Variants in LRRFIP1 observed in about 807,000 individuals in gnomAD.
LRRFIP1 encodes leucine-rich repeat flightless-interacting protein 1.
A neutral mutation model predicts 104.4 loss-of-function variants in LRRFIP1; 62 were observed. That is an observed-to-expected ratio of 0.59 (90% CI 0.48 to 0.73). LRRFIP1 has a LOEUF of 0.73. LRRFIP1 is among the 30% of genes least tolerant of loss of function. LRRFIP1 has a pLI of 0.00. For missense variants in LRRFIP1, 796 were observed against 824.5 expected (o/e 0.97, Z 0.42); for synonymous variants, 300 against 299.0 (o/e 1.00, Z -0.03).
intron 20 of LRRFIP1, among the ~76,000 whole-genome samples, chr2:237,771,302 C>CAA (rs61685773): frequency 1.3e-4 from 14 of 109,788 alleles, no homozygotes; most frequent in Non-Finnish European, 2.3e-4. Context: ...TGAAATATTC[C>CAA]AAAAAAAAAA....
chr2:237,650,044 C>G (rs888768882), intron 1 of LRRFIP1, among the ~76,000 whole-genome samples: 1 of 152,044 alleles, frequency 6.6e-6, no homozygotes, highest in African/African-American at 2.4e-5. Flanking sequence ...TCCCCACGCT[C>G]TGTGACCCTG....
At chr2:237,728,810 A>C (rs566596627) in intron 8 of LRRFIP1, among the ~76,000 whole-genome samples, 17 of 152,298 alleles carry the variant, frequency 1.1e-4, no homozygotes, top group Admixed American at 2.0e-4. Context: ...GAGTGACCCC[A>C]CCCAGACCTT....
At chr2:237,757,298 G>GA (rs1278261074) in intron 16 of LRRFIP1, among the ~76,000 whole-genome samples, 158 bp from the exon 17 acceptor site, 9 of 152,138 alleles carry the variant, frequency 5.9e-5, no homozygotes, top group Non-Finnish European at 2.9e-5. Context: ...GTAGGACAAG[G>GA]AAAAAAATCC....
intron 1 of LRRFIP1, among the ~76,000 whole-genome samples, chr2:237,645,459 C>A (rs2084737922): frequency 6.6e-6 from 1 of 152,146 alleles, no homozygotes; most frequent in Non-Finnish European, 1.5e-5. Flanking sequence ...CCTTCCTACC[C>A]CTCACCGTTC....
Position 237,720,799 on chromosome 2 carries a change from G to T in LRRFIP1, c.322G>T (p.Val108Leu). Residue 108 changes from valine to leucine, a missense_variant, in exon 6 of 24, where the codon GTG (valine) becomes TTG (leucine). By Grantham distance (32) the Val-to-Leu change is conservative (BLOSUM62 1). Coordinates refer to ENST00000308482, the MANE Select transcript of LRRFIP1 (RefSeq NM_001137550.2). Reference protein sequence around the residue: ...SASDEDERMSVGSRGSLRSQP... With the variant: ...SASDEDERMSLGSRGSLRSQP... Reference sequence around the variant, plus strand: ...TTCTGATGAAGACGAGCGCATGTCAGTGGGTAGTCGTGGAAGCCTGAGGGT... The same window carrying T: ...TTCTGATGAAGACGAGCGCATGTCATTGGGTAGTCGTGGAAGCCTGAGGGT... The T allele has an allele frequency of 6.2e-7, 1 of 1,614,158 alleles. No individual in the cohort carries two copies. The highest frequency in any genetic ancestry group is 8.5e-7 in the Non-Finnish European group (1 of 1,179,980).
Position 237,733,893 on chromosome 2 carries a change from C to G in LRRFIP1, c.489+75C>G, listed in dbSNP as rs1472416206. The G allele has an allele frequency of 6.6e-6, 10 of 1,507,668 alleles. No homozygotes were observed. The African/African-American group carries it at 1.4e-4, about 21-fold the overall frequency. The allele number at this position is 1,507,668 out of a possible 1,614,324, so 93.4% of individuals were successfully genotyped here. A position where few individuals can be genotyped will look rare whatever the true frequency, so the allele number is the denominator to read the frequency against. ...GCACCGCCCCCACCAAGCCCAGAGC[C>G]GGGGATGTGCCTGTTCCCAGCCCCC... On this transcript the variant is annotated intron_variant, in intron 9 of 23. Transcript: ENST00000308482.
In LRRFIP1 at chr2:237,749,414, T is replaced by C. The variant is rs148685354; in HGVS notation, c.795+90T>C. ...AAAAAAAAAAAGTTAATTCATAAAG[T>C]TCTGGATCTTTCTTCTTGGTCCTCT... On this transcript the variant is annotated intron_variant, in intron 13 of 23. Transcript: ENST00000308482. 151 of 1,443,280 alleles carry C rather than the reference T, an allele frequency of 1.0e-4. 2 individuals carry two copies. In the African/African-American group the frequency reaches 1.6e-3, roughly 16 times the overall value. 89.4% of individuals were successfully genotyped at this position (1,443,280 alleles called of 1,614,324 possible). A position where few individuals can be genotyped will look rare whatever the true frequency, so the allele number is the denominator to read the frequency against.
chr2:237,627,890 G>A (rs1337635549), intron 1 of LRRFIP1, 150 bp downstream of exon 1: 5 of 412,202 alleles, frequency 1.2e-5, no homozygotes, highest in African/African-American at 2.1e-5. Flanking sequence ...GGCGCGCGCC[G>A]GGGCGCTGAT....
chr2:237,670,805 G>A (rs769903435), intron 1 of LRRFIP1, among the ~76,000 whole-genome samples: 1 of 152,234 alleles, frequency 6.6e-6, no homozygotes. Context: ...AAGCATGATT[G>A]TTCCTCCCCG....
chr2:237,723,007 C>T (rs973366910), intron 6 of LRRFIP1, among the ~76,000 whole-genome samples: 10 of 151,988 alleles, frequency 6.6e-5, no homozygotes, highest in East Asian at 3.9e-4. Flanking sequence ...ATTGTAAGAT[C>T]GTATCTTTTA....
chr2:237,751,725 A>ATTAT (rs1460100468), intron 14 of LRRFIP1, among the ~76,000 whole-genome samples: 2 of 152,204 alleles, frequency 1.3e-5, no homozygotes, highest in Non-Finnish European at 2.9e-5. Context: ...AAACATCCCA[A>ATTAT]TTATTTGCAC....
At chr2:237,706,338 GCTC>G (rs2093806764) in intron 1 of LRRFIP1, among the ~76,000 whole-genome samples, 1 of 151,956 alleles carries the variant, frequency 6.6e-6, no homozygotes, top group Admixed American at 6.5e-5. Context: ...TCACCCCTCT[GCTC>G]CTCTTCTTCT....
At chr2:237,674,131 C>T (rs2090781923) in intron 1 of LRRFIP1, among the ~76,000 whole-genome samples, 1 of 152,150 alleles carries the variant, frequency 6.6e-6, no homozygotes, top group Admixed American at 6.5e-5. Context: ...GGATCTGTCA[C>T]ATTTGAGGTG....
At chr2:237,651,956 G>A (rs2086004659) in intron 1 of LRRFIP1, among the ~76,000 whole-genome samples, 1 of 152,340 alleles carries the variant, frequency 6.6e-6, no homozygotes, top group East Asian at 1.9e-4. Flanking sequence ...GGGCTGTGCA[G>A]CTCCAGCGTC....
chr2:237,736,245 T>A (rs1385593060), intron 10 of LRRFIP1, among the ~76,000 whole-genome samples: 2 of 152,224 alleles, frequency 1.3e-5, no homozygotes, highest in African/African-American at 4.8e-5. Context: ...GTAGTTGACA[T>A]AGCATTCGTT....
chr2:237,761,822 AT>A (rs1559822052), intron 19 of LRRFIP1, among the ~76,000 whole-genome samples: 1 of 152,240 alleles, frequency 6.6e-6, no homozygotes, highest in Non-Finnish European at 1.5e-5. Flanking sequence ...ACATAGTACC[AT>A]ATCTAATCTG....
chr2:237,714,143 C>T lies in LRRFIP1; in HGVS notation c.184-116C>T, dbSNP rs556194134. The T allele has an allele frequency of 2.7e-4, 168 of 620,494 alleles. No homozygotes were observed. The African/African-American group carries it at 2.8e-3, about 10-fold the overall frequency. The allele number at this position is 620,494 out of a possible 1,614,324, so 38.4% of individuals were successfully genotyped here. ...CACCTGTTTTCTTATTCACATTTTA[C>T]TGTATTCGTTGTGACTTGATTCATA... is the stretch of plus-strand genomic sequence containing the variant. On this transcript the variant is annotated intron_variant, in intron 2 of 23. Transcript: ENST00000308482.
intron 1 of LRRFIP1, among the ~76,000 whole-genome samples, chr2:237,664,284 G>A (rs979239755): frequency 1.3e-5 from 2 of 152,254 alleles, no homozygotes; most frequent in Non-Finnish European, 2.9e-5. Context: ...CAAAGAGGCC[G>A]GCGGCGTTCT....
rs377740702 is a variant in LRRFIP1, at chr2:237,711,104, G to T, written c.183+2474G>T. Among the ~76,000 whole-genome samples, 6 of 152,132 alleles carry T rather than the reference G, an allele frequency of 3.9e-5. No individual in the cohort carries two copies. Among genetic ancestry groups the T allele is most frequent in the South Asian group, 2.1e-4 (1 of 4,828 alleles). On this transcript the variant is annotated intron_variant, in intron 2 of 23. Transcript: ENST00000308482. This position sits in a 1 kb window ranked among gnomAD's most constrained non-coding sequence, Gnocchi z 4.4. Reference sequence around the variant, plus strand: ...AAAAGTAAAAAAATAAAAAGTAGTTGCTACTCCAGATGGGAAACCAAGTCT... The same window carrying T: ...AAAAGTAAAAAAATAAAAAGTAGTTTCTACTCCAGATGGGAAACCAAGTCT...
Sources: gnomAD v4.1 joint callset for allele counts (sites outside exome capture counted in the v4.1 genomes callset) on GRCh38, gnomAD v4.1.1 for gene constraint, Gnocchi (gnomAD v3.1) non-coding constraint, MANE v1.5 for transcripts, NCBI Gene and HGNC (gene_info 2026-07-23, HGNC 2026-07-21) for gene names.